CCDC171: variants seen among roughly 807,000 people sequenced by gnomAD.
CCDC171 encodes the protein coiled-coil domain-containing protein 171.
Under a neutral mutation model 168.2 loss-of-function variants are expected in CCDC171, and 177 were observed. That is an observed-to-expected ratio of 1.05 (90% CI 0.93 to 1.19). The LOEUF is 1.19. Among genes scored for constraint, CCDC171 ranks in the 50% most tolerant of loss-of-function variants. The pLI is 0.00. For missense variants in CCDC171, 1,991 were observed against 1,539.0 expected (o/e 1.29, Z -4.91); for synonymous variants, 687 against 540.8 (o/e 1.27, Z -3.75).
intron 3 of CCDC171, among the ~76,000 whole-genome samples, chr9:16,014,872 T>A (rs1028310485): frequency 2.6e-5 from 4 of 152,148 alleles, no homozygotes; most frequent in Admixed American, 1.3e-4. Context: ...AGATTTAGCA[T>A]AATTCTTAAG....
intron 20 of CCDC171, among the ~76,000 whole-genome samples, chr9:15,783,918 C>G (rs1022993381): frequency 6.6e-6 from 1 of 152,056 alleles, no homozygotes; most frequent in African/African-American, 2.4e-5. Context: ...TAAATGAAGC[C>G]CCTGCTTTGG....
At chr9:15,852,844 A>T (rs867141417) in intron 23 of CCDC171, among the ~76,000 whole-genome samples, 6 of 151,650 alleles carry the variant, frequency 4.0e-5, no homozygotes, top group African/African-American at 1.2e-4. Flanking sequence ...TTCTTTTCCC[A>T]TTGAATGATC....
intron 23 of CCDC171, among the ~76,000 whole-genome samples, chr9:15,849,780 A>G (rs1241605025): frequency 2.0e-5 from 3 of 151,840 alleles, no homozygotes; most frequent in Non-Finnish European, 4.4e-5. Context: ...ATATAATATC[A>G]TTTTATAAGT....
At chr9:15,723,308 T>C (rs983785488) in intron 12 of CCDC171, among the ~76,000 whole-genome samples, 1 of 152,210 alleles carries the variant, frequency 6.6e-6, no homozygotes, top group Non-Finnish European at 1.5e-5. Context: ...TCTGTTCTTT[T>C]TTATTTACTT....
chr9:15,569,780 A>C (rs1006771719), intron 2 of CCDC171, among the ~76,000 whole-genome samples: 225 of 151,442 alleles, frequency 1.5e-3, no homozygotes, highest in African/African-American at 5.2e-3. Flanking sequence ...GTGCCACTGC[A>C]CTCCAGCCTG....
At chr9:16,043,483 C>T (rs147499777) in intron 1 of CCDC171, among the ~76,000 whole-genome samples, 11 of 152,272 alleles carry the variant, frequency 7.2e-5, no homozygotes, top group African/African-American at 2.6e-4. Context: ...AGTTATGAAG[C>T]AGATTTCGTA....
At chr9:15,733,927 C>G (rs1019193687) in intron 16 of CCDC171, among the ~76,000 whole-genome samples, 1 of 152,048 alleles carries the variant, frequency 6.6e-6, no homozygotes, top group Non-Finnish European at 1.5e-5. Flanking sequence ...ACTACCATGC[C>G]TAACTAATTT....
intron 24 of CCDC171, among the ~76,000 whole-genome samples, chr9:15,914,398 C>T (rs1466298809): frequency 6.6e-6 from 1 of 152,160 alleles, no homozygotes; most frequent in Non-Finnish European, 1.5e-5. Context: ...TGCTGAACTG[C>T]AGTGGGCTCT....
chr9:15,995,938 T>C (rs1433211491), intron 3 of CCDC171, among the ~76,000 whole-genome samples: 1 of 152,192 alleles, frequency 6.6e-6, no homozygotes, highest in Non-Finnish European at 1.5e-5. Context: ...GCAGTGTTTT[T>C]CTATTTTTCA....
chr9:15,710,027 C>T (rs184803714), intron 11 of CCDC171, among the ~76,000 whole-genome samples: 3 of 151,928 alleles, frequency 2.0e-5, no homozygotes, highest in Non-Finnish European at 2.9e-5. Context: ...CTGTATAATA[C>T]AGATATCTGC....
intron 21 of CCDC171, among the ~76,000 whole-genome samples, chr9:15,791,566 T>A (rs1364065318): frequency 6.6e-6 from 1 of 152,178 alleles, no homozygotes; most frequent in African/African-American, 2.4e-5. Flanking sequence ...CTACCTCTTT[T>A]CCTAATTGAA....
chr9:16,090,782 T>C, the CCDC171 span, among the ~76,000 whole-genome samples: 1 of 152,204 alleles, frequency 6.6e-6, no homozygotes, highest in Non-Finnish European at 1.5e-5. Context: ...TATATTCTGA[T>C]ATAAAGAGAC....
chr9:16,082,423 C>T, the CCDC171 span, among the ~76,000 whole-genome samples: 2 of 152,312 alleles, frequency 1.3e-5, no homozygotes, highest in African/African-American at 4.8e-5. Flanking sequence ...GTGACAGCTT[C>T]ATTTTAATGC....
chr9:15,762,395 A>C (rs1216863711), intron 18 of CCDC171, among the ~76,000 whole-genome samples: 1 of 152,240 alleles, frequency 6.6e-6, no homozygotes, highest in Non-Finnish European at 1.5e-5. Context: ...CAGGAAAAGG[A>C]GCAAATTCAA....
intron 4 of CCDC171, among the ~76,000 whole-genome samples, chr9:15,583,285 C>T (rs2041279824): frequency 6.6e-6 from 1 of 151,850 alleles, no homozygotes; most frequent in South Asian, 2.1e-4. Flanking sequence ...TGTGGTGGCG[C>T]ACGCCTGTAG....
rs772696949 is a variant in CCDC171, at chr9:15,634,742, A to G, written c.822+11329A>G. Reference sequence around the variant, plus strand: ...ACAGCATTGTGCAACCATTACTATAATCCATTTTGGAACATTTTCATCACA... The same window carrying G: ...ACAGCATTGTGCAACCATTACTATAGTCCATTTTGGAACATTTTCATCACA... On this transcript the variant is annotated intron_variant, in intron 7 of 25. Coordinates refer to ENST00000380701, the MANE Select transcript of CCDC171 (RefSeq NM_173550.4). Among the ~76,000 whole-genome samples the G allele has an allele frequency of 2.6e-5, 4 of 152,272 alleles. No homozygotes were observed. In the South Asian group the frequency reaches 8.3e-4, roughly 32 times the overall value.
intron 7 of CCDC171, among the ~76,000 whole-genome samples, chr9:15,627,006 T>A (rs1305246674): frequency 1.3e-5 from 2 of 152,190 alleles, no homozygotes; most frequent in Non-Finnish European, 2.9e-5. Flanking sequence ...CTGTTATTGG[T>A]CTATTTTGGG....
Position 15,576,939 on chromosome 9 carries a change from A to C in CCDC171, c.178-1910A>C, listed in dbSNP as rs547417901. Among the ~76,000 whole-genome samples, 10 of 152,348 alleles carry C rather than the reference A, an allele frequency of 6.6e-5. No homozygotes were observed. In the East Asian group the frequency reaches 1.9e-3, roughly 29 times the overall value. ...AGGTGTGGTCATTACTAATTCTTTC[A>C]GCAAGGAAAGGCTGGTTACCTCAGT... On this transcript the variant is annotated intron_variant, in intron 3 of 25. Coordinates refer to ENST00000380701, the MANE Select transcript of CCDC171 (RefSeq NM_173550.4).
At chr9:15,673,847 A>G (rs1193223503) in intron 9 of CCDC171, among the ~76,000 whole-genome samples, 2 of 152,130 alleles carry the variant, frequency 1.3e-5, no homozygotes, top group Non-Finnish European at 2.9e-5. Flanking sequence ...TGGCATCTGG[A>G]TGATGCTGGC....
Sources: allele counts gnomAD v4.1 joint callset (sites outside exome capture counted in the v4.1 genomes callset), GRCh38; gene constraint gnomAD v4.1.1; transcripts MANE v1.5; gene names NCBI Gene and HGNC (gene_info 2026-07-23, HGNC 2026-07-21).